The following DNAJC1 variants were observed in gnomAD, a reference collection of about 807,000 sequenced individuals.
DNAJC1 encodes dnaJ homolog subfamily C member 1.
Under a neutral mutation model 76.6 loss-of-function variants are expected in DNAJC1, and 58 were observed. That is an observed-to-expected ratio of 0.76 (90% confidence interval 0.61 to 0.94). The LOEUF (loss-of-function observed/expected upper bound fraction) is 0.94, where lower values mean the gene tolerates loss of function less well. DNAJC1 is among the 40% of genes least tolerant of loss of function. The probability of loss-of-function intolerance (pLI) is 0.00; values close to 1 mark genes in which losing one functional copy is unlikely to be tolerated. For synonymous variants in DNAJC1, 258 were observed against 267.9 expected, an observed-to-expected ratio of 0.96 and a Z score of 0.36; for missense variants, 689 against 677.3, an observed-to-expected ratio of 1.02 and a Z score of -0.19.
At chr10:21,921,233 C>A (rs1459535152) in intron 3 of DNAJC1, among the ~76,000 whole-genome samples, 1 of 151,804 alleles carries the variant, frequency 6.6e-6, no homozygotes, top group Non-Finnish European at 1.5e-5. Context: ...CCTGGAGTGA[C>A]ATCTAAACTA....
chr10:21,899,359 T>C (rs1836604893), intron 7 of DNAJC1, among the ~76,000 whole-genome samples: 1 of 152,206 alleles, frequency 6.6e-6, no homozygotes, highest in Non-Finnish European at 1.5e-5. Context: ...CAGGCCCCAC[T>C]TCTATGGCAC....
At chr10:21,900,193 A>G (rs564812908) in intron 7 of DNAJC1, among the ~76,000 whole-genome samples, 1 of 152,064 alleles carries the variant, frequency 6.6e-6, no homozygotes, top group Non-Finnish European at 1.5e-5. Context: ...AAATACAAAA[A>G]TTAGCCGGTC....
chr10:21,806,932 G>A (rs187496662), intron 8 of DNAJC1, among the ~76,000 whole-genome samples: 3 of 152,178 alleles, frequency 2.0e-5, no homozygotes, highest in Admixed American at 2.0e-4. Flanking sequence ...ATTTTTCTCA[G>A]CACTAGCAGT....
At chr10:21,837,278 C>A (rs1248096876) in intron 8 of DNAJC1, among the ~76,000 whole-genome samples, 1 of 152,228 alleles carries the variant, frequency 6.6e-6, no homozygotes, top group African/African-American at 2.4e-5. Flanking sequence ...CACCTCCCAG[C>A]CGCCTGCCTT....
At chr10:21,842,453 C>T (rs1012897557) in intron 8 of DNAJC1, among the ~76,000 whole-genome samples, 1 of 152,046 alleles carries the variant, frequency 6.6e-6, no homozygotes, top group African/African-American at 2.4e-5. Context: ...TTTTAAAAAG[C>T]GTATATAATT....
intron 8 of DNAJC1, among the ~76,000 whole-genome samples, chr10:21,853,787 C>CAA (rs1011936425): frequency 0.046 from 579 of 12,576 alleles, 116 homozygotes; most frequent in African/African-American, 0.098. Context: ...GACTCCATCT[C>CAA]AAAAAAAAAA....
At chr10:21,977,259 A>C (rs370624207) in intron 1 of DNAJC1, among the ~76,000 whole-genome samples, 47 of 151,830 alleles carry the variant, frequency 3.1e-4, no homozygotes, top group South Asian at 8.3e-4. Flanking sequence ...AAATGAAAAA[A>C]ACACACACAC....
At chr10:21,827,902 C>T (rs1835288713) in intron 8 of DNAJC1, among the ~76,000 whole-genome samples, 1 of 152,170 alleles carries the variant, frequency 6.6e-6, no homozygotes, top group Non-Finnish European at 1.5e-5. Flanking sequence ...CTGCAATGAA[C>T]ATCTTTTAAA....
intron 8 of DNAJC1, among the ~76,000 whole-genome samples, chr10:21,810,332 C>T (rs752097835): frequency 5.9e-5 from 9 of 152,156 alleles, no homozygotes; most frequent in Non-Finnish European, 1.0e-4. Context: ...AATTGGCAAA[C>T]CTTTGTGCCC....
At chr10:21,871,928 C>G (rs1333835910) in intron 8 of DNAJC1, among the ~76,000 whole-genome samples, 1 of 151,824 alleles carries the variant, frequency 6.6e-6, no homozygotes, top group Non-Finnish European at 1.5e-5. Flanking sequence ...AATCACTGTG[C>G]CCAGCCAAAA....
chr10:21,975,081 A>G (rs1417531821), intron 1 of DNAJC1, among the ~76,000 whole-genome samples: 1 of 152,120 alleles, frequency 6.6e-6, no homozygotes, highest in African/African-American at 2.4e-5. Context: ...AGGGGTACTC[A>G]TACAGTATAG....
intron 1 of DNAJC1, among the ~76,000 whole-genome samples, chr10:21,969,021 C>T (rs1019877358): frequency 6.6e-6 from 1 of 151,746 alleles, no homozygotes; most frequent in East Asian, 1.9e-4. Context: ...GTCAGGAATT[C>T]GAGACCAGCC....
intron 8 of DNAJC1, among the ~76,000 whole-genome samples, chr10:21,829,949 T>C (rs1001516827): frequency 1.1e-4 from 16 of 152,230 alleles, no homozygotes; most frequent in Non-Finnish European, 2.1e-4. Context: ...CTAGCTACAG[T>C]AATGAATATC....
chr10:21,928,183 G>A (rs1456974616), intron 3 of DNAJC1, among the ~76,000 whole-genome samples: 1 of 152,146 alleles, frequency 6.6e-6, no homozygotes, highest in East Asian at 1.9e-4. Context: ...CATATGGGAA[G>A]GAATGGACAT....
At chr10:21,766,148 G>T (rs968364218) in intron 10 of DNAJC1, 113 bp downstream of exon 10, 23 of 827,564 alleles carry the variant, frequency 2.8e-5, no homozygotes, top group Non-Finnish European at 4.4e-5. Flanking sequence ...ACCAGATTTA[G>T]AGTTCATTAG....
intron 1 of DNAJC1, among the ~76,000 whole-genome samples, chr10:21,966,214 G>A (rs191262464): frequency 2.6e-5 from 4 of 152,226 alleles, no homozygotes; most frequent in South Asian, 2.1e-4. Flanking sequence ...TAAATATGCT[G>A]ATATATGTTC....
chr10:21,981,266 G>T (rs998428486), intron 1 of DNAJC1, among the ~76,000 whole-genome samples: 2 of 152,084 alleles, frequency 1.3e-5, no homozygotes, highest in African/African-American at 4.8e-5. Flanking sequence ...CATAGTTTAC[G>T]ATGGTATGGA....
chr10:21,914,037 T>C (rs866054934), intron 6 of DNAJC1, among the ~76,000 whole-genome samples: 1 of 152,196 alleles, frequency 6.6e-6, no homozygotes, highest in East Asian at 1.9e-4. Flanking sequence ...TTCCATTCAT[T>C]CATCAATTTA....
chr10:21,775,441 G>C (rs1438019418), intron 9 of DNAJC1, among the ~76,000 whole-genome samples: 1 of 148,262 alleles, frequency 6.7e-6, no homozygotes, highest in Non-Finnish European at 1.5e-5. Flanking sequence ...TTGTGGGCAG[G>C]TTTGGCATCC....
Sources: allele counts gnomAD v4.1 joint callset (sites outside exome capture counted in the v4.1 genomes callset), GRCh38; gene constraint gnomAD v4.1.1; transcripts MANE v1.5; gene names NCBI Gene and HGNC (gene_info 2026-07-23, HGNC 2026-07-21).